Variants in STAC observed in about 807,000 individuals in gnomAD.
The protein encoded by STAC is SH3 and cysteine-rich domain-containing protein.
STAC carries 43 observed loss-of-function variants against 48.8 expected under a neutral mutation model. The observed-to-expected ratio is 0.88, with a 90% CI of 0.69 to 1.14. The LOEUF (loss-of-function observed/expected upper bound fraction) is 1.14. Ranked by LOEUF, STAC falls within the 50% of genes most tolerant of loss-of-function variation. The probability of loss-of-function intolerance (pLI) is 0.00; values close to 1 mark genes in which losing one functional copy is unlikely to be tolerated. For synonymous variants in STAC, 193 were observed against 179.5 expected (o/e 1.07, Z -0.60); for missense variants, 497 against 504.0 (o/e 0.99, Z 0.13).
At chr3:36,423,515 T>C (rs1382397658) in intron 1 of STAC, among the ~76,000 whole-genome samples, 2 of 151,418 alleles carry the variant, frequency 1.3e-5, no homozygotes, top group African/African-American at 4.9e-5. Context: ...CAGAAAAATA[T>C]ACATTGTATA....
At chr3:36,394,754 G>GGT (rs1699822307) in intron 1 of STAC, among the ~76,000 whole-genome samples, 1 of 151,878 alleles carries the variant, frequency 6.6e-6, no homozygotes, top group African/African-American at 2.4e-5. Flanking sequence ...AAAATTAGCC[G>GGT]GGTGCGGTGG....
At chr3:36,534,728 C>T (rs1699156949) in intron 10 of STAC, among the ~76,000 whole-genome samples, 1 of 151,930 alleles carries the variant, frequency 6.6e-6, no homozygotes, top group African/African-American at 2.4e-5. Context: ...TCTTCTTCAT[C>T]TTCTTTTTGT....
chr3:36,464,883 G>T (rs1413061249), intron 2 of STAC, among the ~76,000 whole-genome samples: 1 of 151,698 alleles, frequency 6.6e-6, no homozygotes, highest in East Asian at 1.9e-4. Flanking sequence ...GGGCATTTGG[G>T]CTGGTCCCAC....
chr3:36,474,581 C>A (rs2125694021), intron 2 of STAC, among the ~76,000 whole-genome samples: 1 of 152,222 alleles, frequency 6.6e-6, no homozygotes, highest in African/African-American at 2.4e-5. Context: ...AGTCCTGTTC[C>A]TGTCCTCACT....
chr3:36,445,837 A>C (rs1696494642), intron 2 of STAC, among the ~76,000 whole-genome samples: 1 of 152,194 alleles, frequency 6.6e-6, no homozygotes. Context: ...GCCAAGAAGA[A>C]TCAAACCTCA....
intron 10 of STAC, among the ~76,000 whole-genome samples, chr3:36,541,996 G>C (rs1269432344): frequency 6.6e-6 from 1 of 151,996 alleles, no homozygotes; most frequent in East Asian, 1.9e-4. Flanking sequence ...TAGAGAGAGG[G>C]AGGAAGGATG....
At chr3:36,468,765 T>C (rs1697246493) in intron 2 of STAC, among the ~76,000 whole-genome samples, 1 of 149,742 alleles carries the variant, frequency 6.7e-6, no homozygotes, top group Non-Finnish European at 1.5e-5. Flanking sequence ...TGTGTGTGTG[T>C]GTGTGTGTTT....
At chr3:36,428,078 T>A (rs73830351) in intron 1 of STAC, among the ~76,000 whole-genome samples, 1 of 152,206 alleles carries the variant, frequency 6.6e-6, no homozygotes, top group Non-Finnish European at 1.5e-5. Flanking sequence ...CTGAAGCAGA[T>A]TTTTTAATGC....
At chr3:36,424,194 G>A (rs1344565959) in intron 1 of STAC, among the ~76,000 whole-genome samples, 1 of 151,696 alleles carries the variant, frequency 6.6e-6, no homozygotes, top group East Asian at 1.9e-4. Flanking sequence ...GCTCTTTTAA[G>A]TAGATTCTCT....
intron 1 of STAC, among the ~76,000 whole-genome samples, chr3:36,414,697 T>C (rs1700277945): frequency 6.6e-6 from 1 of 152,216 alleles, no homozygotes; most frequent in Non-Finnish European, 1.5e-5. Flanking sequence ...TCCAGCTTTG[T>C]TCTGTTGCTG....
At chr3:36,508,817 C>T (rs1297432255) in intron 8 of STAC, among the ~76,000 whole-genome samples, 5 of 152,078 alleles carry the variant, frequency 3.3e-5, no homozygotes, top group Admixed American at 3.3e-4. Context: ...TGTCTTTGCA[C>T]ATGAGATGGG....
At position 36,505,614 on chromosome 3, in the gene STAC, T is replaced by C. The variant is rs529946815; in HGVS notation, c.832-132T>C. ...AAAGTTGACAGAAAATCTTTAATAA[T>C]GGTTAGATAACACTTACGATCCATA... On this transcript the variant is annotated intron_variant, in intron 7 of 10. Transcript: ENST00000273183. The C allele has an allele frequency of 1.1e-4, 60 of 559,072 alleles. 2 individuals carry two copies. The South Asian group carries it at 1.7e-3, about 16-fold the overall frequency. 34.6% of individuals were successfully genotyped at this position (559,072 alleles called of 1,614,324 possible).
At chr3:36,459,597 G>C (rs1382332360) in intron 2 of STAC, among the ~76,000 whole-genome samples, 1 of 152,164 alleles carries the variant, frequency 6.6e-6, no homozygotes, top group Non-Finnish European at 1.5e-5. Context: ...TCCTCATTTA[G>C]GAGGCACCAT....
intron 10 of STAC, among the ~76,000 whole-genome samples, chr3:36,534,901 A>G (rs2125499706): frequency 6.6e-6 from 1 of 152,204 alleles, no homozygotes; most frequent in Non-Finnish European, 1.5e-5. Flanking sequence ...CCTAGACTCA[A>G]GTGATCCCCA....
chr3:36,470,631 C>T (rs75612563), intron 2 of STAC, among the ~76,000 whole-genome samples: 2,078 of 152,302 alleles, frequency 0.014, 50 homozygotes, highest in African/African-American at 0.047. Context: ...CCAGTTTCTT[C>T]GAAAGGTCTA....
intron 2 of STAC, among the ~76,000 whole-genome samples, chr3:36,448,761 A>C (rs1168193754): frequency 6.6e-6 from 1 of 152,128 alleles, no homozygotes; most frequent in African/African-American, 2.4e-5. Context: ...AACACTAAAA[A>C]GAGGAGTTTC....
chr3:36,419,378 GA>G (rs1413477551), intron 1 of STAC, among the ~76,000 whole-genome samples: 1 of 152,166 alleles, frequency 6.6e-6, no homozygotes, highest in African/African-American at 2.4e-5. Flanking sequence ...GAGGCAAAGG[GA>G]AAAACCTCTC....
At chr3:36,485,451 T>C (rs1053841055) in intron 4 of STAC, among the ~76,000 whole-genome samples, 2 of 152,174 alleles carry the variant, frequency 1.3e-5, no homozygotes, top group African/African-American at 4.8e-5. Flanking sequence ...AGAACAGCAA[T>C]TGCTGCTTTT....
At position 36,528,903 on chromosome 3, in the gene STAC, A is replaced by G; in HGVS notation, c.1028A>G (p.Gln343Arg). 6.2e-7 allele frequency: 1 copy of G among 1,613,830 alleles called. No homozygotes were observed. The highest frequency in any genetic ancestry group is 1.1e-5 in the South Asian group (1 of 91,042). ...FFPANFVQRL[Q>R]QNEKIFRCVR... ...CCAGCCAACTTTGTTCAGAGACTAC[A>G]ACAAAATGAGAAGATTTTTAGATGT... Residue 343 changes from glutamine (Q) to arginine (R), a missense_variant, in exon 10 of 11, where the codon CAA becomes CGA. Gln to Arg is a conservative substitution (Grantham distance 43). Transcript: ENST00000273183.
Sources: allele counts gnomAD v4.1 joint callset (sites outside exome capture counted in the v4.1 genomes callset), GRCh38; gene constraint gnomAD v4.1.1; transcripts MANE v1.5; gene names NCBI Gene and HGNC (gene_info 2026-07-23, HGNC 2026-07-21).